Variants in SNTG1 observed in about 807,000 individuals in gnomAD.
SNTG1 encodes syntrophin gamma 1.
SNTG1 carries 39 observed loss-of-function variants against 74.7 expected under a neutral mutation model. The observed-to-expected ratio is 0.52, with a 90% CI of 0.40 to 0.68. SNTG1 has a LOEUF of 0.68. Among genes scored for constraint, SNTG1 ranks in the 30% least tolerant of loss-of-function variants. The pLI is 0.00. For missense variants in SNTG1, 685 were observed against 609.5 expected (o/e 1.12, Z -1.30); for synonymous variants, 254 against 217.1 (o/e 1.17, Z -1.49).
intron 18 of SNTG1, among the ~76,000 whole-genome samples, chr8:50,774,945 G>T (rs1319974617): frequency 4.0e-5 from 6 of 150,348 alleles, no homozygotes; most frequent in African/African-American, 1.5e-4. Flanking sequence ...TGATAAAAAT[G>T]GGAGAATTAA....
intron 11 of SNTG1, among the ~76,000 whole-genome samples, chr8:50,544,477 T>G (rs1354070066): frequency 6.6e-6 from 1 of 152,070 alleles, no homozygotes; most frequent in East Asian, 1.9e-4. Context: ...AATATTTCTA[T>G]TAAGAGAATG....
chr8:50,012,275 G>A (rs1046606662), intron 1 of SNTG1, among the ~76,000 whole-genome samples: 2 of 152,036 alleles, frequency 1.3e-5, no homozygotes, highest in African/African-American at 4.8e-5. Context: ...AACTGAGGTG[G>A]TTTATTTTAC....
intron 1 of SNTG1, among the ~76,000 whole-genome samples, chr8:50,022,629 G>T (rs1269456863): frequency 1.3e-5 from 2 of 152,168 alleles, no homozygotes; most frequent in African/African-American, 4.8e-5. Flanking sequence ...GGAATACAGT[G>T]GTAGCCTAGC....
chr8:50,405,223 C>A (rs75852936), intron 4 of SNTG1, among the ~76,000 whole-genome samples: 2 of 151,930 alleles, frequency 1.3e-5, no homozygotes, highest in African/African-American at 4.8e-5. Flanking sequence ...AAGAAACTGC[C>A]GTACTCTTTT....
intron 2 of SNTG1, among the ~76,000 whole-genome samples, chr8:50,363,466 T>C (rs1307227675): frequency 6.6e-6 from 1 of 152,170 alleles, no homozygotes; most frequent in Non-Finnish European, 1.5e-5. Flanking sequence ...CCTTTACAAT[T>C]GGACTTTGTC....
chr8:49,991,878 T>A (rs1051110055), intron 1 of SNTG1, among the ~76,000 whole-genome samples: 10 of 152,184 alleles, frequency 6.6e-5, no homozygotes, highest in Non-Finnish European at 1.5e-4. Context: ...TAGATAGCTG[T>A]GATGTTTGCA....
intron 2 of SNTG1, among the ~76,000 whole-genome samples, chr8:50,387,150 C>T (rs1397676345): frequency 1.3e-5 from 2 of 152,160 alleles, no homozygotes; most frequent in East Asian, 1.9e-4. Flanking sequence ...CCCTGATTTC[C>T]ATTCTCATAA....
chr8:50,561,293 A>G (rs1250273412), intron 12 of SNTG1, among the ~76,000 whole-genome samples: 1 of 152,172 alleles, frequency 6.6e-6, no homozygotes, highest in African/African-American at 2.4e-5. Context: ...CTCCCCAGCC[A>G]TGAGGAACTA....
intron 2 of SNTG1, among the ~76,000 whole-genome samples, chr8:50,179,928 G>C (rs1044476229): frequency 6.6e-6 from 1 of 152,140 alleles, no homozygotes; most frequent in Non-Finnish European, 1.5e-5. Flanking sequence ...CCTACTGCTG[G>C]TTATATACCC....
intron 17 of SNTG1, among the ~76,000 whole-genome samples, chr8:50,714,939 A>T (rs1453657076): frequency 6.6e-6 from 1 of 152,182 alleles, no homozygotes; most frequent in Admixed American, 6.5e-5. Flanking sequence ...AACCAAAACC[A>T]AAAACAACAA....
intron 2 of SNTG1, among the ~76,000 whole-genome samples, chr8:50,220,536 G>T (rs2085012253): frequency 6.6e-6 from 1 of 152,104 alleles, no homozygotes; most frequent in African/African-American, 2.4e-5. Context: ...CTGCCACAGT[G>T]GTTGCTAAAA....
chr8:50,289,288 C>T lies in SNTG1; in HGVS notation c.-27-104924C>T, dbSNP rs1403771778. Among the ~76,000 whole-genome samples the T allele has an allele frequency of 3.3e-5, 5 of 152,146 alleles. No homozygotes were observed. The East Asian group carries it at 9.6e-4, about 29-fold the overall frequency. On this transcript the variant is annotated intron_variant, in intron 2 of 18. Coordinates refer to ENST00000642720, the MANE Select transcript of SNTG1 (RefSeq NM_018967.5). Reference sequence around the variant, plus strand: ...TTCACTAGATAATTTATCAAGTTTACTGATCTTACAGTATCATTTACTAAG... The same window carrying T: ...TTCACTAGATAATTTATCAAGTTTATTGATCTTACAGTATCATTTACTAAG...
intron 1 of SNTG1, among the ~76,000 whole-genome samples, chr8:50,104,740 C>T (rs1364151223): frequency 6.6e-6 from 1 of 152,138 alleles, no homozygotes; most frequent in Admixed American, 6.6e-5. Context: ...TTGAATGTGT[C>T]CCACAGATTC....
chr8:50,707,770 C>G (rs1224586830), intron 16 of SNTG1: 1 of 282,846 alleles, frequency 3.5e-6, no homozygotes, highest in Non-Finnish European at 6.5e-6. Context: ...ATTGGAATAT[C>G]CCACTACGAT....
chr8:50,106,289 A>T (rs1042333508), intron 1 of SNTG1, among the ~76,000 whole-genome samples: 9 of 152,060 alleles, frequency 5.9e-5, no homozygotes, highest in African/African-American at 2.2e-4. Context: ...AAATAATCAG[A>T]TCTCATGAGA....
intron 2 of SNTG1, among the ~76,000 whole-genome samples, chr8:50,388,809 T>A (rs1685302461): frequency 1.3e-5 from 2 of 152,204 alleles, no homozygotes; most frequent in Admixed American, 6.5e-5. Context: ...ATATATCATC[T>A]GCAAAGAAAC....
rs376975868 is a variant in SNTG1 at position 50,382,082 on chromosome 8, G to T, written c.-27-12130G>T. On this transcript the variant is annotated intron_variant, in intron 2 of 18. Coordinates refer to ENST00000642720, the MANE Select transcript of SNTG1 (RefSeq NM_018967.5). ...CTCCTTTTTATATTCTAGCCATGCTGGCAGCTGATCAGATGGTGCCCACCC... is the reference window on the plus strand; with the variant it reads ...CTCCTTTTTATATTCTAGCCATGCTTGCAGCTGATCAGATGGTGCCCACCC... The T allele has an allele frequency of 3.6e-4, 54 of 151,734 alleles. No homozygotes were observed. The East Asian group carries it at 0.011, about 30-fold the overall frequency. The allele number at this position is 151,734 out of a possible 1,614,324, so 9.4% of individuals were successfully genotyped here.
intron 2 of SNTG1, among the ~76,000 whole-genome samples, chr8:50,279,139 G>T (rs17696545): frequency 0.052 from 7,973 of 152,072 alleles, 236 homozygotes; most frequent in Middle Eastern, 0.12. Context: ...GAAAACCATG[G>T]TCGACACCTA....
intron 1 of SNTG1, among the ~76,000 whole-genome samples, chr8:50,086,802 A>G (rs1445005774): frequency 6.6e-6 from 1 of 152,196 alleles, no homozygotes; most frequent in Non-Finnish European, 1.5e-5. Flanking sequence ...TTATTTTAAA[A>G]AGATTATAAG....
Sources: allele counts gnomAD v4.1 joint callset (sites outside exome capture counted in the v4.1 genomes callset), GRCh38; gene constraint gnomAD v4.1.1; transcripts MANE v1.5; gene names NCBI Gene and HGNC (gene_info 2026-07-23, HGNC 2026-07-21).